ARHGAP32: variants seen among roughly 807,000 people sequenced by gnomAD.
ARHGAP32 encodes the protein Rho GTPase activating protein 32.
In ARHGAP32, 51 loss-of-function variants were observed where a neutral mutation model predicts 186.5. The ratio of observed to expected loss-of-function variants is 0.27; its 90% CI spans 0.22 to 0.35. The LOEUF is 0.35. Among genes scored for constraint, ARHGAP32 ranks in the 10% least tolerant of loss-of-function variants. The pLI is 1.00. For missense variants in ARHGAP32, 2,186 were observed against 2,623.5 expected (o/e 0.83, Z 3.64); for synonymous variants, 950 against 964.3 (o/e 0.99, Z 0.27).
At position 128,965,657 on chromosome 11, in the gene ARHGAP32, G is replaced by GTC. The variant is rs1414502157; in HGVS notation, c.*3249_*3250insGA. The GTC allele has an allele frequency of 2.0e-5, 3 of 152,190 alleles. No individual in the cohort carries two copies. The highest frequency in any genetic ancestry group is 4.4e-5 in the Non-Finnish European group (3 of 68,046). 9.4% of individuals were successfully genotyped at this position (152,190 alleles called of 1,614,324 possible). A position where few individuals can be genotyped will look rare whatever the true frequency, so the allele number is the denominator to read the frequency against. ...ACATGCCTCTAACCATGTGGAAGAA[G>GTC]TAACTGTCTGACATACTTTTGCTTT... is the stretch of plus-strand genomic sequence containing the variant. On this transcript the variant is annotated 3_prime_UTR_variant, in exon 23 of 23. Transcript: ENST00000682385.
chr11:129,133,154 G>A (rs941286383), intron 2 of ARHGAP32, among the ~76,000 whole-genome samples: 1 of 152,120 alleles, frequency 6.6e-6, no homozygotes, highest in Non-Finnish European at 1.5e-5. Context: ...TGAGCAGGAG[G>A]AAGAGTGACA....
intron 11 of ARHGAP32, among the ~76,000 whole-genome samples, chr11:129,023,221 C>G (rs1026820749): frequency 2.0e-5 from 3 of 152,140 alleles, no homozygotes; most frequent in African/African-American, 7.2e-5. Flanking sequence ...ACATACGGAA[C>G]ACCACCTTAG....
chr11:128,970,977 G>C lies in ARHGAP32; in HGVS notation c.4236C>G (p.Arg1412=). The C allele has an allele frequency of 1.2e-6, 2 of 1,613,788 alleles. No individual in the cohort carries two copies. Among genetic ancestry groups the C allele is most frequent in the Non-Finnish European group, 1.7e-6 (2 of 1,180,000 alleles). The change falls in exon 23 of 23, where the codon CGC becomes CGG. Residue 1412 remains arginine, a synonymous_variant. Transcript: ENST00000682385. The surrounding 1 kb of genome is among the most constrained non-coding windows in gnomAD (Gnocchi z 5.8). ...AGGGATGCGCAGGGACAGACTCGGC[G>C]CGCAGGTGCAGCAGCGGGACCCGGG... ...DGARVPLLHL[R]AESVPAHPCG... is the part of the protein sequence containing the mutation.
chr11:129,214,960 A>G (rs1340246847), intron 1 of ARHGAP32, among the ~76,000 whole-genome samples: 2 of 152,206 alleles, frequency 1.3e-5, no homozygotes, highest in Non-Finnish European at 2.9e-5. Flanking sequence ...CAGTTTGTCC[A>G]TCACTAAACC....
intron 1 of ARHGAP32, among the ~76,000 whole-genome samples, chr11:129,273,304 C>A (rs1945493563): frequency 6.6e-6 from 1 of 152,192 alleles, no homozygotes. Flanking sequence ...TCAGTGGATA[C>A]TTGTCAGTTC....
At chr11:129,137,143 A>C (rs1942953828) in intron 2 of ARHGAP32, among the ~76,000 whole-genome samples, 1 of 148,842 alleles carries the variant, frequency 6.7e-6, no homozygotes, top group South Asian at 2.1e-4. Flanking sequence ...ATATGAACTG[A>C]AAAAAAAAAG....
At chr11:129,050,940 C>T (rs1020350076) in intron 10 of ARHGAP32, among the ~76,000 whole-genome samples, 3 of 152,132 alleles carry the variant, frequency 2.0e-5, no homozygotes, top group Non-Finnish European at 4.4e-5. Flanking sequence ...TGGTTTCCAG[C>T]GTCATCCATG....
chr11:128,975,109 G>A (rs1011083944), intron 20 of ARHGAP32, 107 bp from the exon 21 acceptor site: 2 of 870,992 alleles, frequency 2.3e-6, no homozygotes, highest in African/African-American at 3.4e-5. Context: ...GGTGAAGGAA[G>A]TGTTACTTCT....
chr11:128,991,316 TA>T (rs1372901993), intron 12 of ARHGAP32, among the ~76,000 whole-genome samples: 1 of 152,082 alleles, frequency 6.6e-6, no homozygotes, highest in Admixed American at 6.6e-5. Context: ...ATGAGCTTAA[TA>T]AATAAAATTA....
chr11:129,089,146 TATG>T (rs949941373), intron 6 of ARHGAP32, among the ~76,000 whole-genome samples: 6 of 152,300 alleles, frequency 3.9e-5, no homozygotes, highest in South Asian at 2.1e-4. Flanking sequence ...ATCAGATTTC[TATG>T]ATAAGAATTT....
chr11:129,072,044 G>A (rs1214336638), intron 6 of ARHGAP32, among the ~76,000 whole-genome samples: 2 of 152,128 alleles, frequency 1.3e-5, no homozygotes, highest in African/African-American at 4.8e-5. Context: ...ATTAACATGA[G>A]CTGAGGATAG....
chr11:129,077,030 T>G (rs1941064195), intron 6 of ARHGAP32, among the ~76,000 whole-genome samples: 2 of 152,160 alleles, frequency 1.3e-5, no homozygotes, highest in African/African-American at 4.8e-5. Context: ...TAACCTTACC[T>G]AGAGCAGAAA....
At chr11:129,023,354 T>C (rs941490486) in intron 11 of ARHGAP32, among the ~76,000 whole-genome samples, 4 of 152,214 alleles carry the variant, frequency 2.6e-5, no homozygotes, top group African/African-American at 9.6e-5. Context: ...GAAAGGTTAC[T>C]TCTTCGTGCA....
chr11:129,242,549 T>C (rs1391063421), intron 1 of ARHGAP32, among the ~76,000 whole-genome samples: 1 of 151,906 alleles, frequency 6.6e-6, no homozygotes, highest in Admixed American at 6.6e-5. Context: ...AAACCCTGTC[T>C]CTACTAAAAA....
At chr11:129,065,080 G>C (rs528249537) in intron 7 of ARHGAP32, 147 bp from the exon 8 acceptor site, 1 of 599,918 alleles carries the variant, frequency 1.7e-6, no homozygotes, top group South Asian at 2.3e-5. Context: ...CTTACCAGTA[G>C]CACTATGGGC....
At chr11:129,181,452 C>G (rs1387809040) in intron 1 of ARHGAP32, among the ~76,000 whole-genome samples, 1 of 152,050 alleles carries the variant, frequency 6.6e-6, no homozygotes, top group Non-Finnish European at 1.5e-5. Context: ...TACCAGCGTT[C>G]TGTGTGCCTG....
chr11:129,041,348 G>A (rs1002629134), intron 10 of ARHGAP32, among the ~76,000 whole-genome samples: 11 of 151,814 alleles, frequency 7.2e-5, no homozygotes, highest in Non-Finnish European at 1.0e-4. Flanking sequence ...TTAATAATGC[G>A]CTTTACTGAA....
intron 1 of ARHGAP32, among the ~76,000 whole-genome samples, chr11:129,186,014 T>C (rs1027353613): frequency 6.6e-6 from 1 of 152,070 alleles, no homozygotes; most frequent in Non-Finnish European, 1.5e-5. Context: ...GCTAGTCACT[T>C]GACATATTTA....
At chr11:129,193,633 A>T (rs574964980), upstream of ARHGAP32, among the ~76,000 whole-genome samples, 251 of 63,022 alleles carry the variant, frequency 4.0e-3, 2 homozygotes, top group African/African-American at 0.012. Flanking sequence ...TAATATATAT[A>T]ATATATGTTA....
Sources: gnomAD v4.1 joint callset for allele counts (sites outside exome capture counted in the v4.1 genomes callset) on GRCh38, gnomAD v4.1.1 for gene constraint, Gnocchi (gnomAD v3.1) non-coding constraint, MANE v1.5 for transcripts, NCBI Gene and HGNC (gene_info 2026-07-23, HGNC 2026-07-21) for gene names.